UBR2: variants seen among roughly 807,000 people sequenced by gnomAD.
UBR2 encodes ubiquitin protein ligase E3 component n-recognin 2, also known as E3 ubiquitin-protein ligase UBR2.
A neutral mutation model predicts 247.9 loss-of-function variants in UBR2; 92 were observed. The ratio of observed to expected loss-of-function variants is 0.37; its 90% CI spans 0.31 to 0.44. The LOEUF (loss-of-function observed/expected upper bound fraction) is 0.44, where lower values mean the gene tolerates loss of function less well. Among genes scored for constraint, UBR2 ranks in the 20% least tolerant of loss-of-function variants. UBR2 has a pLI of 1.00. For missense variants in UBR2, 1,613 were observed against 2,112.6 expected, an observed-to-expected ratio of 0.76 and a Z score of 4.64; for synonymous variants, 672 against 693.5, an observed-to-expected ratio of 0.97 and a Z score of 0.49.
chr6:42,574,395 T>G (rs1791365317), intron 2 of UBR2, among the ~76,000 whole-genome samples: 1 of 152,224 alleles, frequency 6.6e-6, no homozygotes, highest in South Asian at 2.1e-4. Flanking sequence ...TGTGGGTGCT[T>G]CTTTCCTTTC....
chr6:42,686,819 C>T (rs950552237), intron 44 of UBR2, among the ~76,000 whole-genome samples: 110 of 151,726 alleles, frequency 7.2e-4, no homozygotes, highest in East Asian at 2.9e-3. Flanking sequence ...GGGCGGCTGC[C>T]GGGCGGAGGG....
intron 13 of UBR2, 68 bp from the exon 14 acceptor site, chr6:42,635,350 T>A (rs1796022621): frequency 6.7e-7 from 1 of 1,482,756 alleles, no homozygotes; most frequent in Non-Finnish European, 9.2e-7. Flanking sequence ...CTACATTACT[T>A]CTTAGGTTTC....
intron 6 of UBR2, 114 bp from the exon 7 acceptor site, chr6:42,606,475 A>T: frequency 2.2e-6 from 2 of 916,288 alleles, no homozygotes; most frequent in South Asian, 1.6e-5. Context: ...GAGCATTGTA[A>T]ATATTGAAAA....
chr6:42,615,661 G>T (rs1489290223), intron 9 of UBR2, among the ~76,000 whole-genome samples: 2 of 151,804 alleles, frequency 1.3e-5, no homozygotes, highest in African/African-American at 2.4e-5. Flanking sequence ...TCAGTGGTGT[G>T]TGCCTGTAGT....
At chr6:42,629,172 A>G (rs1795538091) in intron 11 of UBR2, among the ~76,000 whole-genome samples, 1 of 151,668 alleles carries the variant, frequency 6.6e-6, no homozygotes, top group African/African-American at 2.4e-5. Context: ...GCCCGCCACC[A>G]TGCCCGGGTA....
chr6:42,654,025 G>GC lies in UBR2; in HGVS notation c.2769+1380_2769+1381insC, dbSNP rs1165298827. 9.2e-5 allele frequency among the ~76,000 whole-genome samples: 14 copies of GC among 152,114 alleles called. No homozygotes were observed. The Middle Eastern group carries it at 0.017, about 185-fold the overall frequency. On this transcript the variant is annotated intron_variant, in intron 25 of 46. Coordinates refer to ENST00000372901, the MANE Select transcript of UBR2 (RefSeq NM_001363705.2). Reference sequence around the variant, plus strand: ...CTTGGGCTCAGAGGCGTTCCCTTAGGGTATATATTAATAGCTTGAAAGCAG... The same window carrying GC: ...CTTGGGCTCAGAGGCGTTCCCTTAGGCGTATATATTAATAGCTTGAAAGCAG...
rs561780199 is a variant in UBR2, at chr6:42,652,369, A to G, written c.2615-122A>G. On this transcript the variant is annotated intron_variant, in intron 24 of 46. Transcript: ENST00000372901. The stretch of plus-strand genomic sequence containing the variant: ...ATGCATTTGACCTTGAGAATGTAAA[A>G]TAATAGCTTTAAGGTGTGTGTTAAT... 7.4e-5 allele frequency: 89 copies of G among 1,198,730 alleles called. No individual in the cohort carries two copies. The African/African-American group carries it at 1.1e-3, about 14-fold the overall frequency. 74.3% of individuals were successfully genotyped at this position (1,198,730 alleles called of 1,614,324 possible). A position where few individuals can be genotyped will look rare whatever the true frequency, so the allele number is the denominator to read the frequency against.
intron 7 of UBR2, among the ~76,000 whole-genome samples, chr6:42,611,721 C>T (rs1794097803): frequency 1.3e-5 from 2 of 151,766 alleles, no homozygotes; most frequent in South Asian, 2.1e-4. Context: ...GCCTGGCTAA[C>T]ATAGTGAAAC....
At chr6:42,628,914 C>T (rs1352610041) in intron 11 of UBR2, among the ~76,000 whole-genome samples, 1 of 151,898 alleles carries the variant, frequency 6.6e-6, no homozygotes, top group East Asian at 1.9e-4. Context: ...GAATTTGGCC[C>T]ATTTTGAATA....
At chr6:42,677,009 T>C in intron 40 of UBR2, 136 bp downstream of exon 40, 1 of 690,344 alleles carries the variant, frequency 1.4e-6, no homozygotes, top group Non-Finnish European at 2.5e-6. Context: ...TGGAGTGATC[T>C]GCAGAGCCTT....
At chr6:42,570,854 TC>T (rs1791079887) in intron 1 of UBR2, among the ~76,000 whole-genome samples, 1 of 151,914 alleles carries the variant, frequency 6.6e-6, no homozygotes, top group Non-Finnish European at 1.5e-5. Context: ...CAGCTAATCT[TC>T]TTTTATTTTT....
intron 2 of UBR2, 145 bp downstream of exon 2, chr6:42,574,138 ATAAT>A: frequency 3.5e-6 from 3 of 847,854 alleles, no homozygotes; most frequent in Non-Finnish European, 4.9e-6. Context: ...TATTTAATAA[ATAAT>A]TAAAGCAAAC....
intron 30 of UBR2, among the ~76,000 whole-genome samples, chr6:42,661,489 C>T (rs1274727921): frequency 6.6e-6 from 1 of 152,112 alleles, no homozygotes; most frequent in African/African-American, 2.4e-5. Flanking sequence ...GTAGTTCTTT[C>T]TAGAGTGTTA....
chr6:42,617,380 C>T (rs1199079815), intron 10 of UBR2, 29 bp from the exon 11 acceptor site: 4 of 1,613,560 alleles, frequency 2.5e-6, no homozygotes, highest in Admixed American at 3.3e-5. Context: ...ATAGCTGGCA[C>T]TCCTTGCCTT....
chr6:42,597,755 A>G (rs962169682), intron 4 of UBR2, among the ~76,000 whole-genome samples: 4 of 151,828 alleles, frequency 2.6e-5, no homozygotes, highest in South Asian at 2.1e-4. Context: ...CGTCTCTACT[A>G]AAAATACAAA....
At chr6:42,687,724 A>G (rs1011425415) in intron 44 of UBR2, among the ~76,000 whole-genome samples, 4 of 151,978 alleles carry the variant, frequency 2.6e-5, no homozygotes, top group Non-Finnish European at 4.4e-5. Flanking sequence ...TATTTTTAGT[A>G]GAGACGGGGT....
At chr6:42,655,249 G>A (rs568461749) in intron 25 of UBR2, among the ~76,000 whole-genome samples, 49 of 152,158 alleles carry the variant, frequency 3.2e-4, no homozygotes, top group Admixed American at 1.5e-3. Context: ...AGGCCAAGGT[G>A]GGCGGATCAC....
intron 2 of UBR2, among the ~76,000 whole-genome samples, chr6:42,588,971 T>A (rs1297472012): frequency 6.6e-6 from 1 of 152,218 alleles, no homozygotes; most frequent in East Asian, 1.9e-4. Flanking sequence ...TTATTATGAA[T>A]GGGCATTGTA....
intron 44 of UBR2, among the ~76,000 whole-genome samples, chr6:42,685,669 A>G (rs980246858): frequency 6.6e-6 from 1 of 151,772 alleles, no homozygotes; most frequent in Non-Finnish European, 1.5e-5. Flanking sequence ...TCAGCCTCCC[A>G]AAGTGCTGGG....
Sources: allele counts gnomAD v4.1 joint callset (sites outside exome capture counted in the v4.1 genomes callset), GRCh38; gene constraint gnomAD v4.1.1; transcripts MANE v1.5; gene names NCBI Gene and HGNC (gene_info 2026-07-23, HGNC 2026-07-21).